The following CCDC62 variants were observed in gnomAD, a reference collection of about 807,000 sequenced individuals.
CCDC62 encodes the protein coiled-coil domain containing 62.
Under a neutral mutation model 80.8 loss-of-function variants are expected in CCDC62, and 72 were observed. The observed-to-expected ratio is 0.89, with a 90% CI of 0.74 to 1.08. The LOEUF is 1.08. CCDC62 is among the 50% of genes least tolerant of loss of function. CCDC62 has a pLI of 0.00. For synonymous variants in CCDC62, 286 were observed against 296.5 expected, an observed-to-expected ratio of 0.96 and a Z score of 0.36; for missense variants, 704 against 809.4, an observed-to-expected ratio of 0.87 and a Z score of 1.58.
chr12:122,778,943 G>C (rs1029595766), intron 2 of CCDC62, among the ~76,000 whole-genome samples: 3 of 152,116 alleles, frequency 2.0e-5, no homozygotes, highest in Non-Finnish European at 4.4e-5. Flanking sequence ...ATGACCATCT[G>C]ATTTTACTCT....
intron 10 of CCDC62, among the ~76,000 whole-genome samples, chr12:122,812,167 G>A (rs1018265304): frequency 6.6e-5 from 10 of 152,224 alleles, no homozygotes; most frequent in Admixed American, 3.3e-4. Flanking sequence ...AGGGGGCTGG[G>A]TGCAGTGGCT....
intron 10 of CCDC62, among the ~76,000 whole-genome samples, chr12:122,808,442 A>G (rs1031263728): frequency 6.6e-6 from 1 of 152,212 alleles, no homozygotes; most frequent in South Asian, 2.1e-4. Context: ...TTCATGTATC[A>G]TAAGTCTTTG....
chr12:122,807,422 T>C (rs2031666181), intron 10 of CCDC62, among the ~76,000 whole-genome samples: 1 of 147,556 alleles, frequency 6.8e-6, no homozygotes, highest in Non-Finnish European at 1.5e-5. Flanking sequence ...TCTCAGCTAC[T>C]TGGGAGGCTG....
chr12:122,825,478 C>T (rs1291793267), intron 12 of CCDC62, among the ~76,000 whole-genome samples: 1 of 149,294 alleles, frequency 6.7e-6, no homozygotes, highest in Non-Finnish European at 1.5e-5. Flanking sequence ...TCCCAAGTAG[C>T]TGGGATTACA....
intron 6 of CCDC62, among the ~76,000 whole-genome samples, chr12:122,796,114 G>C (rs758140180): frequency 2.1e-4 from 32 of 152,220 alleles, no homozygotes; most frequent in African/African-American, 7.7e-4. Flanking sequence ...TTATGCAAAA[G>C]TAGATTATTC....
intron 2 of CCDC62, among the ~76,000 whole-genome samples, chr12:122,780,129 G>A (rs565519809): frequency 6.6e-6 from 1 of 150,502 alleles, no homozygotes; most frequent in Non-Finnish European, 1.5e-5. Context: ...GGCCAATATG[G>A]TGAAACCCCA....
At chr12:122,780,441 G>A (rs866175454) in intron 2 of CCDC62, among the ~76,000 whole-genome samples, 6 of 151,110 alleles carry the variant, frequency 4.0e-5, no homozygotes, top group Middle Eastern at 3.5e-3. Flanking sequence ...GTGAAACCCC[G>A]TCTCTACTAA....
intron 9 of CCDC62, 145 bp from the exon 10 acceptor site, chr12:122,806,006 C>T: frequency 1.6e-6 from 1 of 623,224 alleles, no homozygotes; most frequent in Non-Finnish European, 2.6e-6. Context: ...TATTCTATTC[C>T]AATCTATAAT....
rs1879549888 is a variant in CCDC62, at chr12:122,777,556, T to C, written c.102T>C (p.Ile34=). 6.2e-7 allele frequency: 1 copy of C among 1,614,014 alleles called. No individual in the cohort carries two copies. Among genetic ancestry groups the C allele is most frequent in the African/African-American group, 1.3e-5 (1 of 74,918 alleles). The change falls in exon 2 of 13, where the codon ATT becomes ATC. Residue 34 remains isoleucine (I), a synonymous_variant. Transcript: ENST00000253079. ...AACGGAAGGAGCTGCAGTTGCTCAT[T>C]GGAGAATTAAAAGATCGAGATAAAG... ...EKQRKELQLL[I]GELKDRDKEL... is the part of the protein sequence containing the mutation.
intron 11 of CCDC62, among the ~76,000 whole-genome samples, chr12:122,816,332 A>C (rs1251247683): frequency 6.6e-6 from 1 of 152,210 alleles, no homozygotes; most frequent in African/African-American, 2.4e-5. Context: ...ATCCCTTTAA[A>C]TGTATGCAGT....
At chr12:122,802,837 G>A (rs1294348404) in intron 9 of CCDC62, among the ~76,000 whole-genome samples, 1 of 151,990 alleles carries the variant, frequency 6.6e-6, no homozygotes, top group African/African-American at 2.4e-5. Flanking sequence ...GACTAGCCTG[G>A]TTAACATAGT....
At chr12:122,797,225 C>G in intron 6 of CCDC62, 82 bp from the exon 7 acceptor site, 1 of 715,876 alleles carries the variant, frequency 1.4e-6, no homozygotes, top group East Asian at 2.7e-5. Context: ...AAAATGTTAG[C>G]TGAGCATTAA....
chr12:122,804,924 G>A (rs942850651), intron 9 of CCDC62, among the ~76,000 whole-genome samples: 9 of 140,682 alleles, frequency 6.4e-5, no homozygotes, highest in African/African-American at 1.6e-4. Context: ...CACTCTTGTC[G>A]CCCAGCCTGG....
intron 11 of CCDC62, among the ~76,000 whole-genome samples, chr12:122,816,609 A>T (rs554743318): frequency 6.6e-6 from 1 of 152,272 alleles, no homozygotes; most frequent in Admixed American, 6.5e-5. Flanking sequence ...GCCATGCACC[A>T]GTAGTTCCAG....
chr12:122,792,146 T>G, intron 6 of CCDC62, 25 bp downstream of exon 6: 1 of 1,383,052 alleles, frequency 7.2e-7, no homozygotes, highest in Non-Finnish European at 1.0e-6. Context: ...CGAATGTATT[T>G]GTAACCTAGA....
At chr12:122,788,996 T>G in intron 5 of CCDC62, 67 bp downstream of exon 5, 1 of 1,264,846 alleles carries the variant, frequency 7.9e-7, no homozygotes, top group Non-Finnish European at 1.1e-6. Flanking sequence ...TCATCTGGGT[T>G]CACTTAATCT....
intron 11 of CCDC62, among the ~76,000 whole-genome samples, chr12:122,817,412 C>T (rs1263823482): frequency 6.6e-6 from 1 of 151,630 alleles, no homozygotes; most frequent in African/African-American, 2.4e-5. Flanking sequence ...CTTTCCTCCA[C>T]TTCCTGGGTT....
intron 6 of CCDC62, among the ~76,000 whole-genome samples, 179 bp from the exon 7 acceptor site, chr12:122,797,128 T>G (rs943280476): frequency 1.7e-4 from 26 of 152,254 alleles, no homozygotes; most frequent in African/African-American, 4.8e-4. Context: ...TCTACCCACC[T>G]CAGCCTCCCA....
chr12:122,818,313 C>T (rs1196281906), intron 11 of CCDC62, among the ~76,000 whole-genome samples: 2 of 151,942 alleles, frequency 1.3e-5, no homozygotes, highest in Non-Finnish European at 2.9e-5. Context: ...ATTAGCTGGG[C>T]GTGGTGGCGG....
Sources: allele counts gnomAD v4.1 joint callset (sites outside exome capture counted in the v4.1 genomes callset), GRCh38; gene constraint gnomAD v4.1.1; transcripts MANE v1.5; gene names NCBI Gene and HGNC (gene_info 2026-07-23, HGNC 2026-07-21).